Variants in SGCZ observed in about 807,000 individuals in gnomAD.
The protein encoded by SGCZ is sarcoglycan zeta, also known as zeta-sarcoglycan.
SGCZ carries 40 observed loss-of-function variants against 41.3 expected under a neutral mutation model. The observed-to-expected ratio is 0.97, with a 90% CI of 0.75 to 1.26. SGCZ has a LOEUF of 1.26. Ranked by LOEUF, SGCZ falls within the 50% of genes most tolerant of loss-of-function variation. The pLI, the probability that SGCZ is intolerant of heterozygous loss-of-function variation, is 0.00. For synonymous variants in SGCZ, 206 were observed against 137.5 expected (o/e 1.50, Z -3.49); for missense variants, 552 against 369.8 (o/e 1.49, Z -4.04).
chr8:15,178,097 C>T (rs1800054232), intron 1 of SGCZ, among the ~76,000 whole-genome samples: 1 of 152,166 alleles, frequency 6.6e-6, no homozygotes, highest in Non-Finnish European at 1.5e-5. Flanking sequence ...CCCCAGGACA[C>T]TGCCTCCTGA....
At chr8:14,418,531 T>C (rs1799557377) in intron 2 of SGCZ, among the ~76,000 whole-genome samples, 1 of 151,964 alleles carries the variant, frequency 6.6e-6, no homozygotes. Flanking sequence ...ACGTTTTACT[T>C]ATAAAATGGT....
At chr8:14,402,525 G>C (rs1799106788) in intron 2 of SGCZ, among the ~76,000 whole-genome samples, 3 of 149,056 alleles carry the variant, frequency 2.0e-5, no homozygotes, top group Admixed American at 6.6e-5. Flanking sequence ...AGTTTTCCCA[G>C]CACCATTTAT....
At chr8:14,495,818 C>G (rs143322330) in intron 2 of SGCZ, among the ~76,000 whole-genome samples, 134 of 152,130 alleles carry the variant, frequency 8.8e-4, no homozygotes, top group Non-Finnish European at 1.7e-3. Context: ...CATCCAAAAG[C>G]TATGGGCCTA....
chr8:14,675,099 T>G (rs1808231483), intron 1 of SGCZ, among the ~76,000 whole-genome samples: 1 of 151,378 alleles, frequency 6.6e-6, no homozygotes, highest in Non-Finnish European at 1.5e-5. Flanking sequence ...CCACCACGCC[T>G]GGCTAATTTT....
chr8:14,883,879 T>C (rs183695601), intron 1 of SGCZ, among the ~76,000 whole-genome samples: 1 of 149,068 alleles, frequency 6.7e-6, no homozygotes, highest in East Asian at 2.1e-4. Context: ...GCCTTGAAAA[T>C]AGCATTATAG....
At chr8:14,225,470 TA>T (rs1806340025) in intron 4 of SGCZ, among the ~76,000 whole-genome samples, 1 of 140,950 alleles carries the variant, frequency 7.1e-6, no homozygotes, top group African/African-American at 2.4e-5. Flanking sequence ...TTAGTGTTTT[TA>T]AAATACCCAG....
chr8:14,428,572 A>G (rs1030542485), intron 2 of SGCZ, among the ~76,000 whole-genome samples: 1 of 152,184 alleles, frequency 6.6e-6, no homozygotes, highest in Non-Finnish European at 1.5e-5. Context: ...ATTTTATTTA[A>G]AATTGTTTCT....
At chr8:14,544,972 C>G (rs191574863) in intron 2 of SGCZ, among the ~76,000 whole-genome samples, 14 of 152,248 alleles carry the variant, frequency 9.2e-5, no homozygotes, top group African/African-American at 3.1e-4. Context: ...CTTACACCCT[C>G]TTCCCTTTTG....
intron 1 of SGCZ, among the ~76,000 whole-genome samples, chr8:14,815,185 G>A (rs1184799011): frequency 6.6e-6 from 1 of 151,154 alleles, no homozygotes; most frequent in Non-Finnish European, 1.5e-5. Flanking sequence ...TGTCTTTGTA[G>A]ACTGCTGAAA....
chr8:14,756,493 C>G (rs1303467997), intron 1 of SGCZ, among the ~76,000 whole-genome samples: 1 of 152,038 alleles, frequency 6.6e-6, no homozygotes, highest in Non-Finnish European at 1.5e-5. Flanking sequence ...CGGGAAGTAA[C>G]AATTTTTGTT....
chr8:15,146,499 T>C (rs1339598737), intron 1 of SGCZ, among the ~76,000 whole-genome samples: 2 of 152,154 alleles, frequency 1.3e-5, no homozygotes, highest in Non-Finnish European at 2.9e-5. Flanking sequence ...CTCAGCCCCG[T>C]GAGTAGATGG....
At chr8:14,428,257 T>C (rs1052123859) in intron 2 of SGCZ, among the ~76,000 whole-genome samples, 7 of 151,892 alleles carry the variant, frequency 4.6e-5, no homozygotes, top group African/African-American at 1.7e-4. Flanking sequence ...ATATGTAGGG[T>C]AAATATATTA....
intron 1 of SGCZ, among the ~76,000 whole-genome samples, chr8:14,867,857 C>T (rs975355031): frequency 6.6e-6 from 1 of 151,560 alleles, no homozygotes; most frequent in Admixed American, 6.6e-5. Flanking sequence ...GTACAACAAA[C>T]CCCCATGACA....
intron 2 of SGCZ, among the ~76,000 whole-genome samples, chr8:14,377,015 C>A: frequency 6.6e-6 from 1 of 152,258 alleles, no homozygotes; most frequent in Middle Eastern, 3.4e-3. Context: ...TTTTGTTATA[C>A]ACAATAAACC....
At chr8:14,945,649 A>AG (rs929077234) in intron 1 of SGCZ, among the ~76,000 whole-genome samples, 24 of 151,638 alleles carry the variant, frequency 1.6e-4, no homozygotes, top group Admixed American at 2.6e-4. Flanking sequence ...TGCCAGACTG[A>AG]GGGGGGAGAT....
intron 1 of SGCZ, among the ~76,000 whole-genome samples, chr8:15,184,397 C>G (rs1009723609): frequency 6.6e-6 from 1 of 152,130 alleles, no homozygotes; most frequent in African/African-American, 2.4e-5. Context: ...CTCTATATCC[C>G]CAAAATAGAA....
chr8:14,235,651 C>A (rs1806729414), intron 4 of SGCZ, among the ~76,000 whole-genome samples: 1 of 152,106 alleles, frequency 6.6e-6, no homozygotes, highest in African/African-American at 2.4e-5. Flanking sequence ...GCTATTGTGT[C>A]TGACAGTGGG....
chr8:15,210,986 C>G (rs988372028), intron 1 of SGCZ, among the ~76,000 whole-genome samples: 1 of 151,504 alleles, frequency 6.6e-6, no homozygotes, highest in Admixed American at 6.6e-5. Context: ...AAATTTTCCC[C>G]TGCAACACCC....
intron 1 of SGCZ, among the ~76,000 whole-genome samples, chr8:15,227,127 A>C (rs1233193228): frequency 6.6e-6 from 1 of 152,174 alleles, no homozygotes; most frequent in Non-Finnish European, 1.5e-5. Flanking sequence ...GGAGGTGCCC[A>C]TACATAACCG....
Sources: gnomAD v4.1 joint callset for allele counts (sites outside exome capture counted in the v4.1 genomes callset) on GRCh38, gnomAD v4.1.1 for gene constraint, MANE v1.5 for transcripts, NCBI Gene and HGNC (gene_info 2026-07-23, HGNC 2026-07-21) for gene names.